The following DPEP2 variants were observed in gnomAD, a reference collection of about 807,000 sequenced individuals.
DPEP2 encodes the protein dipeptidase 2.
Under a neutral mutation model 51.8 loss-of-function variants are expected in DPEP2, and 45 were observed. The ratio of observed to expected loss-of-function variants is 0.87; its 90% confidence interval spans 0.68 to 1.11. The LOEUF is 1.11. DPEP2 is among the 50% of genes most tolerant of loss of function. The pLI is 0.00. For missense variants in DPEP2, 604 were observed against 631.9 expected (o/e 0.96, Z 0.47); for synonymous variants, 255 against 262.7 (o/e 0.97, Z 0.28).
rs1156331668 is a variant in DPEP2, at chr16:67,991,401, G to A, written c.663-217C>T. Among the ~76,000 whole-genome samples, 2 of 142,470 alleles carry A rather than the reference G, an allele frequency of 1.4e-5. No homozygotes were observed. The highest frequency in any genetic ancestry group is 2.0e-4 in the East Asian group (1 of 4,986). The allele number at this position is 142,470 out of a possible 152,430, so 93.5% of individuals were successfully genotyped here. A position where few individuals can be genotyped will look rare whatever the true frequency, so the allele number is the denominator to read the frequency against. ...TTTTTTTTTTTGGCAATAGAGTCTC[G>A]CTCTGTCACCCAGGCAGGAGTGCAG... On this transcript the variant is annotated intron_variant, in intron 5 of 10. Transcript: ENST00000393847. The surrounding 1 kb of genome is among the most constrained non-coding windows in gnomAD (Gnocchi z 5.1).
In DPEP2 at chr16:67,987,926, G is replaced by A. The variant is rs1567440531; in HGVS notation, c.1132C>T (p.Arg378Cys). The A allele has an allele frequency of 1.2e-6, 2 of 1,614,152 alleles. No individual in the cohort carries two copies. Among genetic ancestry groups the A allele is most frequent in the Non-Finnish European group, 8.5e-7 (1 of 1,180,024 alleles). Residue 378 changes from arginine (R) to cysteine (C), a missense_variant, in exon 10 of 11, where the codon CGT becomes TGT. Transcript: ENST00000393847. ...TGAAGCTCTTCCTCACTCCAGCCAC[G>A]ACTCAGCAACTCCTCTATCAGGACC... is the stretch of plus-strand genomic sequence containing the variant. The part of the protein sequence containing the change: ...YPVLIEELLS[R>C]GWSEEELQGV...
chr16:67,994,074 T>C (rs1363111882), intron 1 of DPEP2: 1 of 985,176 alleles, frequency 1.0e-6, no homozygotes, highest in African/African-American at 1.8e-5. Flanking sequence ...GAACATTCAC[T>C]CAACAGAGCA....
Position 67,991,291 on chromosome 16 carries a change from G to T in DPEP2, c.663-107C>A, listed in dbSNP as rs1249414343. The T allele has an allele frequency of 1.7e-5, 20 of 1,184,160 alleles. No individual in the cohort carries two copies. Among genetic ancestry groups the T allele is most frequent in the Non-Finnish European group, 2.4e-5 (20 of 829,692 alleles). The allele number at this position is 1,184,160 out of a possible 1,614,324, so 73.4% of individuals were successfully genotyped here. ...CTGCACCCCCCTGAAACAAAAACAGGGATCCAAAATGGGCCCTGCAAATGG... is the reference window on the plus strand; with the variant it reads ...CTGCACCCCCCTGAAACAAAAACAGTGATCCAAAATGGGCCCTGCAAATGG... On this transcript the variant is annotated intron_variant, in intron 5 of 10. Transcript: ENST00000393847. This position sits in a 1 kb window ranked among gnomAD's most constrained non-coding sequence, Gnocchi z 5.1.
Position 67,993,090 on chromosome 16 carries a change from T to C in DPEP2, c.123A>G (p.Arg41=). The stretch of plus-strand genomic sequence containing the variant: ...TGGGGGCGCCCAGCGTGGTGAGGGC[T>C]CTGGGGGGGCCTGGCGTGGTGTAGG... The part of the protein sequence containing the change: ...TCAYTTPGPP[R]ALTTLGAPRA... Residue 41 remains arginine (R), a synonymous_variant, in exon 2 of 11, where the codon AGA becomes AGG. Coordinates refer to ENST00000393847, the MANE Select transcript of DPEP2 (RefSeq NM_022355.4). The C allele has an allele frequency of 6.4e-7, 1 of 1,569,680 alleles. No individual in the cohort carries two copies. Among genetic ancestry groups the C allele is most frequent in the Non-Finnish European group, 8.6e-7 (1 of 1,156,780 alleles).
Position 67,990,965 on chromosome 16 carries a change from C to T in DPEP2, c.765G>A (p.Met255Ile). The T allele has an allele frequency of 6.2e-7, 1 of 1,614,182 alleles. No homozygotes were observed. Among genetic ancestry groups the T allele is most frequent in the Non-Finnish European group, 8.5e-7 (1 of 1,179,986 alleles). Residue 255 changes from methionine to isoleucine, a missense_variant, in exon 7 of 11, where the codon ATG becomes ATA. Transcript: ENST00000393847. ...KVVAEMNRLG[M>I]MVDLSHVSDA... ...CTGAGACATGGGATAAGTCTACCAT[C>T]ATGCCCAGGCGGTTCATTTCTGCCA...
intron 7 of DPEP2, among the ~76,000 whole-genome samples, chr16:67,990,562 C>T (rs1010607903): frequency 6.6e-6 from 1 of 152,138 alleles, no homozygotes; most frequent in Non-Finnish European, 1.5e-5. Context: ...CTCCCAGGTT[C>T]CAGAGATTCT....
chr16:67,992,926 C>T (rs200043570), intron 2 of DPEP2, 24 bp downstream of exon 2: 536 of 1,596,434 alleles, frequency 3.4e-4, no homozygotes, highest in Non-Finnish European at 4.2e-4. Flanking sequence ...CAGCTCCCAT[C>T]GCCCCCTTGC....
At chr16:67,989,497 GGCCAGGCAGGCTAATTCCTTTAT>G in intron 8 of DPEP2, 99 bp from the exon 9 acceptor site, 2 of 1,265,576 alleles carry the variant, frequency 1.6e-6, no homozygotes, top group Non-Finnish European at 2.3e-6. Flanking sequence ...GCAGCCTGTG[GGCCAGGCAGGCTAATTCCTTTAT>G]GGCCTGCCAC....
rs779332718 is a variant in DPEP2, at chr16:67,993,130, T to TGGAGCAGCAGCAGCA, written c.68_82dup (p.Leu23_Leu27dup). On this transcript the variant is annotated inframe_insertion, in exon 2 of 11. Transcript: ENST00000393847. ...CGTGGTGTAGGCACAGGTTACAGGCTGGAGCAGCAGCAGCAGGAGCAGCAG... is the reference window on the plus strand; with the variant it reads ...CGTGGTGTAGGCACAGGTTACAGGCTGGAGCAGCAGCAGCAGGAGCAGCAGCAGCAGGAGCAGCAG... 4.8e-5 allele frequency: 74 copies of TGGAGCAGCAGCAGCA among 1,547,660 alleles called. No individual in the cohort carries two copies. The highest frequency in any genetic ancestry group is 5.7e-5 in the Non-Finnish European group (65 of 1,145,026).
chr16:67,998,905 T>C (rs1354314138), intron 1 of DPEP2, among the ~76,000 whole-genome samples: 2 of 152,112 alleles, frequency 1.3e-5, no homozygotes, highest in African/African-American at 4.8e-5. Context: ...GGTGGCGACG[T>C]GGAGAACCTT....
Position 67,991,729 on chromosome 16 carries a change from C to T in DPEP2, c.662+109G>A. The T allele has an allele frequency of 6.8e-7, 1 of 1,476,516 alleles. No homozygotes were observed. Among genetic ancestry groups the T allele is most frequent in the Non-Finnish European group, 9.1e-7 (1 of 1,098,318 alleles). 91.5% of individuals were successfully genotyped at this position (1,476,516 alleles called of 1,614,324 possible). The stretch of plus-strand genomic sequence containing the variant: ...AGAATCCCAGCTCCCCTCCCCACTC[C>T]AGAGTCAGTGCCACATCCCATGGGT... On this transcript the variant is annotated intron_variant, in intron 5 of 10. Transcript: ENST00000393847. The surrounding 1 kb of genome is among the most constrained non-coding windows in gnomAD (Gnocchi z 5.1).
At chr16:67,988,480 G>C (rs1380797361) in intron 9 of DPEP2, among the ~76,000 whole-genome samples, 2 of 152,098 alleles carry the variant, frequency 1.3e-5, no homozygotes, top group Non-Finnish European at 2.9e-5. Flanking sequence ...GCGCACACCT[G>C]TAATCCCAGC....
intron 8 of DPEP2, among the ~76,000 whole-genome samples, chr16:67,989,777 A>C (rs142493401): frequency 3.5e-4 from 54 of 152,324 alleles, no homozygotes; most frequent in African/African-American, 1.3e-3. Context: ...TTCCCCTTCT[A>C]GTCTCTTGGC....
chr16:67,996,382 C>G (rs1378634883), intron 1 of DPEP2, among the ~76,000 whole-genome samples: 1 of 149,514 alleles, frequency 6.7e-6, no homozygotes, highest in African/African-American at 2.5e-5. Context: ...TTTTTTGAGA[C>G]AAAGTTTTGC....
At chr16:67,993,322 G>A in intron 1 of DPEP2, 65 bp from the exon 2 acceptor site, 2 of 1,328,320 alleles carry the variant, frequency 1.5e-6, no homozygotes, top group Non-Finnish European at 1.9e-6. Flanking sequence ...CAGGCCACCT[G>A]GCGGCGTGGC....
In DPEP2 at chr16:67,989,248, G is replaced by A. The variant is rs182979668; in HGVS notation, c.1070+75C>T. 78 of 1,522,960 alleles carry A rather than the reference G, an allele frequency of 5.1e-5. No homozygotes were observed. In the Admixed American group the frequency reaches 6.6e-4, roughly 13 times the overall value. The allele number at this position is 1,522,960 out of a possible 1,614,324, so 94.3% of individuals were successfully genotyped here. The stretch of plus-strand genomic sequence containing the variant: ...GGAGTGTGGTCAAGGCCTAAAGGAC[G>A]TGATGGCTATGGTGACCGTGAAGGC... On this transcript the variant is annotated intron_variant, in intron 9 of 10. Coordinates refer to ENST00000393847, the MANE Select transcript of DPEP2 (RefSeq NM_022355.4).
intron 1 of DPEP2, chr16:67,994,004 C>T (rs2032503571): frequency 2.3e-5 from 23 of 985,442 alleles, no homozygotes; most frequent in Non-Finnish European, 2.8e-5. Context: ...GGAGCTGCCA[C>T]ACCTCCCCAG....
Position 67,987,589 on chromosome 16 carries a change from A to C in DPEP2, c.1378T>G (p.Trp460Gly). Reference sequence around the variant, plus strand: ...TGGGGGGAGGACTCTGAGACTGACCACTTGGCTGGTAACTTGGCTGTCCAG... The same window carrying C: ...TGGGGGGAGGACTCTGAGACTGACCCCTTGGCTGGTAACTTGGCTGTCCAG... ...IHWTAKLPAK[W>G]SVSESSPHMA... Residue 460 changes from tryptophan (W) to glycine (G), a missense_variant, in exon 11 of 11, where the codon TGG becomes GGG. By Grantham distance (184) the Trp-to-Gly change is radical. Coordinates refer to ENST00000393847, the MANE Select transcript of DPEP2 (RefSeq NM_022355.4). 1 of 1,614,186 alleles carries C rather than the reference A, an allele frequency of 6.2e-7. No individual in the cohort carries two copies. Among genetic ancestry groups the C allele is most frequent in the East Asian group, 2.2e-5 (1 of 44,884 alleles).
Position 67,999,416 on chromosome 16 carries a change from T to C in DPEP2, c.-87A>G. On this transcript the variant is annotated 5_prime_UTR_variant, in exon 1 of 11. The change abolishes an upstream ATG in the 5' untranslated region. Coordinates refer to ENST00000393847, the MANE Select transcript of DPEP2 (RefSeq NM_022355.4). Reference sequence around the variant, plus strand: ...CTCACTGCGAGGGTCTGCAGCTTCATTCTAGAACTCAGTGAGACCAAGAAC... The same window carrying C: ...CTCACTGCGAGGGTCTGCAGCTTCACTCTAGAACTCAGTGAGACCAAGAAC... The C allele has an allele frequency of 1.1e-6, 1 of 919,428 alleles. No homozygotes were observed. Among genetic ancestry groups the C allele is most frequent in the Non-Finnish European group, 1.3e-6 (1 of 768,824 alleles). 57.0% of individuals were successfully genotyped at this position (919,428 alleles called of 1,614,324 possible). A position where few individuals can be genotyped will look rare whatever the true frequency, so the allele number is the denominator to read the frequency against.
Sources: gnomAD v4.1 joint callset for allele counts (sites outside exome capture counted in the v4.1 genomes callset) on GRCh38, gnomAD v4.1.1 for gene constraint, Gnocchi (gnomAD v3.1) non-coding constraint, MANE v1.5 for transcripts, NCBI Gene and HGNC (gene_info 2026-07-23, HGNC 2026-07-21) for gene names.